The following NRTN variants were observed in gnomAD, a reference collection of about 807,000 sequenced individuals.
NRTN encodes the protein prepro-neurturin.
Under a neutral mutation model 7.5 loss-of-function variants are expected in NRTN, and 3 were observed. The ratio of observed to expected loss-of-function variants is 0.40; its 90% CI spans 0.18 to 1.03. NRTN has a LOEUF of 1.03. Ranked by LOEUF, NRTN falls within the 50% of genes least tolerant of loss-of-function variation. NRTN has a pLI of 0.34. For synonymous variants in NRTN, 157 were observed against 146.6 expected, an observed-to-expected ratio of 1.07 and a Z score of -0.51; for missense variants, 310 against 307.0, an observed-to-expected ratio of 1.01 and a Z score of -0.07.
At chr19:5,812,172 GTTATTATTA>G (rs58005663) in intron 1 of NRTN, among the ~76,000 whole-genome samples, 2 of 149,852 alleles carry the variant, frequency 1.3e-5, no homozygotes, top group Admixed American at 6.6e-5. Flanking sequence ...GCCGGGCCCA[GTTATTATTA>G]TTATTATTAT....
intron 2 of NRTN, among the ~76,000 whole-genome samples, chr19:5,826,054 G>A (rs1425547055): frequency 6.6e-6 from 1 of 151,882 alleles, no homozygotes; most frequent in African/African-American, 2.4e-5. Flanking sequence ...AGAATGGCGT[G>A]AACCCGGGAG....
chr19:5,809,277 C>G (rs561410252), intron 1 of NRTN, among the ~76,000 whole-genome samples: 1 of 151,200 alleles, frequency 6.6e-6, no homozygotes, highest in African/African-American at 2.4e-5. Context: ...CTCAAGCGAT[C>G]CTCTTGCGTC....
At chr19:5,815,625 G>A (rs1030906888) in intron 1 of NRTN, among the ~76,000 whole-genome samples, 4 of 151,732 alleles carry the variant, frequency 2.6e-5, no homozygotes, top group African/African-American at 7.3e-5. Flanking sequence ...TAGTAGAGAC[G>A]GGGTTTCGCC....
intron 1 of NRTN, among the ~76,000 whole-genome samples, chr19:5,812,459 G>A (rs2056993265): frequency 1.3e-5 from 2 of 152,326 alleles, no homozygotes; most frequent in African/African-American, 4.8e-5. Context: ...GGCTGGGGGT[G>A]TCTGTGTCTG....
intron 1 of NRTN, among the ~76,000 whole-genome samples, chr19:5,821,434 A>G (rs2057024370): frequency 6.7e-6 from 1 of 150,306 alleles, no homozygotes; most frequent in Non-Finnish European, 1.5e-5. Flanking sequence ...CCTCCCGAGT[A>G]GCTGGGATTA....
chr19:5,810,724 A>AGT (rs2056987751), intron 1 of NRTN, among the ~76,000 whole-genome samples: 1 of 151,926 alleles, frequency 6.6e-6, no homozygotes, highest in South Asian at 2.1e-4. Flanking sequence ...ACGAGGTCAG[A>AGT]TCAAGACCAC....
Position 5,823,844 on chromosome 19 carries a change from G to A in NRTN, c.-322G>A. The A allele has an allele frequency of 2.1e-6, 1 of 485,948 alleles. No homozygotes were observed. The highest frequency in any genetic ancestry group is 3.8e-6 in the Non-Finnish European group (1 of 264,858). 30.1% of individuals were successfully genotyped at this position (485,948 alleles called of 1,614,324 possible). ...TGGCCTCGGGGCCTTTGCACTGGCT[G>A]TGTCCCCTGCCTGTGATGCCATTCT... On this transcript the variant is annotated 5_prime_UTR_variant, in exon 2 of 3. It adds an upstream start codon to the 5' untranslated region. Coordinates refer to ENST00000303212, the MANE Select transcript of NRTN (RefSeq NM_004558.5).
At chr19:5,823,211 G>A (rs181701292) in intron 1 of NRTN, among the ~76,000 whole-genome samples, 9 of 152,314 alleles carry the variant, frequency 5.9e-5, no homozygotes. Context: ...GAGTTCAGGA[G>A]CTTGAGACCA....
chr19:5,824,165 G>A lies in NRTN; in HGVS notation c.-1G>A. The stretch of plus-strand genomic sequence containing the variant: ...GACCATCCCGTGCCCGCAGGCTGAG[G>A]ATGCAGCGCTGGAAGGCGGCGGCCT... On this transcript the variant is annotated 5_prime_UTR_variant, in exon 2 of 3. Coordinates refer to ENST00000303212, the MANE Select transcript of NRTN (RefSeq NM_004558.5). 1 of 1,607,456 alleles carries A rather than the reference G, an allele frequency of 6.2e-7. No homozygotes were observed. Among genetic ancestry groups the A allele is most frequent in the Non-Finnish European group, 8.5e-7 (1 of 1,179,882 alleles).
In NRTN at chr19:5,828,227, C is replaced by A; in HGVS notation, c.*54C>A. The A allele has an allele frequency of 6.6e-7, 1 of 1,517,410 alleles. No homozygotes were observed. Among genetic ancestry groups the A allele is most frequent in the Non-Finnish European group, 8.8e-7 (1 of 1,137,250 alleles). 94.0% of individuals were successfully genotyped at this position (1,517,410 alleles called of 1,614,324 possible). A position where few individuals can be genotyped will look rare whatever the true frequency, so the allele number is the denominator to read the frequency against. On this transcript the variant is annotated 3_prime_UTR_variant, in exon 3 of 3. Coordinates refer to ENST00000303212, the MANE Select transcript of NRTN (RefSeq NM_004558.5). The stretch of plus-strand genomic sequence containing the variant: ...CACTCCCCCCGCCTCGACGGCACCA[C>A]TGGCCGGCCCCGCGAAAGACTGCGC...
intron 2 of NRTN, among the ~76,000 whole-genome samples, chr19:5,824,817 A>C (rs1251726922): frequency 6.6e-6 from 1 of 152,214 alleles, no homozygotes; most frequent in Non-Finnish European, 1.5e-5. Flanking sequence ...TTCTAAAAAA[A>C]GATGGGGTGG....
chr19:5,809,170 G>GT (rs570492039), intron 1 of NRTN, among the ~76,000 whole-genome samples: 1,699 of 134,456 alleles, frequency 0.013, 16 homozygotes, highest in African/African-American at 0.029. Context: ...TTCATCCTGA[G>GT]TTTTTTTTTT....
chr19:5,824,458 T>C, intron 2 of NRTN, 124 bp downstream of exon 2: 1 of 1,235,180 alleles, frequency 8.1e-7, no homozygotes. Flanking sequence ...CCAGCCCCCT[T>C]GCAGGGAGGC....
intron 1 of NRTN, among the ~76,000 whole-genome samples, chr19:5,817,947 A>C (rs1177123349): frequency 6.6e-4 from 96 of 146,142 alleles, no homozygotes; most frequent in Admixed American, 1.1e-3. Context: ...TTACAGGCGC[A>C]CACTGCCACA....
intron 1 of NRTN, among the ~76,000 whole-genome samples, chr19:5,807,440 C>A (rs1369752084): frequency 6.6e-6 from 1 of 152,130 alleles, no homozygotes; most frequent in African/African-American, 2.4e-5. Flanking sequence ...GAGGTGGTGG[C>A]CGGGGGTTGG....
At chr19:5,805,760 C>T (rs2056973431) in intron 1 of NRTN, among the ~76,000 whole-genome samples, 1 of 152,090 alleles carries the variant, frequency 6.6e-6, no homozygotes, top group African/African-American at 2.4e-5. Context: ...GAGGAACGCA[C>T]GGTGCCCTCC....
At chr19:5,805,719 C>T (rs555570311) in intron 1 of NRTN, among the ~76,000 whole-genome samples, 3 of 152,178 alleles carry the variant, frequency 2.0e-5, no homozygotes, top group Admixed American at 6.5e-5. Flanking sequence ...CGGGCGCACT[C>T]CTGTCTCCTA....
chr19:5,822,102 G>C (rs1271391993), intron 1 of NRTN, among the ~76,000 whole-genome samples: 1 of 152,164 alleles, frequency 6.6e-6, no homozygotes, highest in East Asian at 1.9e-4. Context: ...GGTCTGATAT[G>C]TGTAGCTCCT....
At chr19:5,826,859 G>C (rs939318720) in intron 2 of NRTN, among the ~76,000 whole-genome samples, 1 of 152,212 alleles carries the variant, frequency 6.6e-6, no homozygotes, top group Non-Finnish European at 1.5e-5. Context: ...CTGGACCTGG[G>C]CCAAACTTGG....
Sources: allele counts gnomAD v4.1 joint callset (sites outside exome capture counted in the v4.1 genomes callset), GRCh38; gene constraint gnomAD v4.1.1; transcripts MANE v1.5; gene names NCBI Gene and HGNC (gene_info 2026-07-23, HGNC 2026-07-21).